The following GRID2 variants were observed in gnomAD, a reference collection of about 807,000 sequenced individuals.
GRID2 encodes glutamate receptor ionotropic, delta-2.
A neutral mutation model predicts 114.8 loss-of-function variants in GRID2; 33 were observed. The ratio of observed to expected loss-of-function variants is 0.29; its 90% confidence interval spans 0.22 to 0.38. GRID2 has a LOEUF of 0.38. Among genes scored for constraint, GRID2 ranks in the 10% least tolerant of loss-of-function variants. The pLI is 1.00. For synonymous variants in GRID2, 505 were observed against 449.9 expected (o/e 1.12, Z -1.55); for missense variants, 1,184 against 1,257.7 (o/e 0.94, Z 0.89).
intron 13 of GRID2, among the ~76,000 whole-genome samples, chr4:93,619,740 GA>G (rs572204724): frequency 5.2e-4 from 79 of 152,288 alleles, no homozygotes; most frequent in Middle Eastern, 6.8e-3. Flanking sequence ...CAATGATCTT[GA>G]GAAGTAAGCA....
intron 1 of GRID2, among the ~76,000 whole-genome samples, chr4:92,477,460 C>G (rs1347695469): frequency 6.6e-6 from 1 of 151,884 alleles, no homozygotes; most frequent in African/African-American, 2.4e-5. Context: ...AACACTGTTT[C>G]AGTGATTACT....
At chr4:93,296,298 C>A (rs1338756909) in intron 8 of GRID2, among the ~76,000 whole-genome samples, 1 of 151,868 alleles carries the variant, frequency 6.6e-6, no homozygotes, top group Non-Finnish European at 1.5e-5. Flanking sequence ...ACGGATCCCC[C>A]CCTCCCACCC....
chr4:93,347,567 C>T (rs954406190), intron 8 of GRID2, among the ~76,000 whole-genome samples: 11 of 151,992 alleles, frequency 7.2e-5, no homozygotes, highest in South Asian at 2.1e-4. Context: ...TAGTGTTTGA[C>T]GTTACACTTA....
chr4:93,183,073 A>G (rs1023421183), intron 4 of GRID2, among the ~76,000 whole-genome samples: 2 of 152,258 alleles, frequency 1.3e-5, no homozygotes, highest in Admixed American at 6.5e-5. Flanking sequence ...GAATTAAATC[A>G]AAATGAGTAA....
At chr4:92,799,856 C>G (rs1291824525) in intron 2 of GRID2, among the ~76,000 whole-genome samples, 1 of 151,950 alleles carries the variant, frequency 6.6e-6, no homozygotes, top group Non-Finnish European at 1.5e-5. Context: ...TCAAGTTATT[C>G]TCTACTCAGC....
chr4:92,781,102 G>A (rs187451447), intron 2 of GRID2, among the ~76,000 whole-genome samples: 8 of 151,888 alleles, frequency 5.3e-5, no homozygotes, highest in African/African-American at 1.2e-4. Flanking sequence ...AAAATTAGCC[G>A]GGCATGGTGG....
At chr4:93,454,559 C>T (rs991967481) in intron 10 of GRID2, among the ~76,000 whole-genome samples, 1 of 151,954 alleles carries the variant, frequency 6.6e-6, no homozygotes. Flanking sequence ...GAACTCGGTA[C>T]ACACAGACAT....
intron 2 of GRID2, among the ~76,000 whole-genome samples, chr4:93,022,660 A>G (rs1218952723): frequency 6.6e-6 from 1 of 151,974 alleles, no homozygotes; most frequent in Non-Finnish European, 1.5e-5. Context: ...ACCCTTTGTC[A>G]ACATAATAGA....
At chr4:92,660,199 G>C (rs1276761722) in intron 2 of GRID2, among the ~76,000 whole-genome samples, 1 of 151,278 alleles carries the variant, frequency 6.6e-6, no homozygotes, top group East Asian at 1.9e-4. Flanking sequence ...GTTGGGCCAA[G>C]ATTTCAAAAG....
chr4:93,128,380 T>A (rs529117716), intron 4 of GRID2, among the ~76,000 whole-genome samples: 2 of 152,248 alleles, frequency 1.3e-5, no homozygotes, highest in South Asian at 4.1e-4. Flanking sequence ...GAAAGAAATC[T>A]AGGTTGAATA....
rs552867141 is a variant in GRID2, at chr4:92,913,519, T to A, written c.245-171476T>A. 1.4e-4 allele frequency among the ~76,000 whole-genome samples: 21 copies of A among 152,046 alleles called. No homozygotes were observed. In the East Asian group the frequency reaches 4.1e-3, roughly 29 times the overall value. On this transcript the variant is annotated intron_variant, in intron 2 of 15. Transcript: ENST00000282020. ...CCTCTGTTTTATATTTCACTTTCAT[T>A]CTTCAAGAGACCAATTTCCTGCATG...
intron 2 of GRID2, among the ~76,000 whole-genome samples, chr4:92,886,076 A>G (rs1369976927): frequency 6.6e-6 from 1 of 152,140 alleles, no homozygotes; most frequent in Non-Finnish European, 1.5e-5. Flanking sequence ...TGCAATTGCA[A>G]TTACAACTTT....
At chr4:93,339,524 T>G (rs958473613) in intron 8 of GRID2, among the ~76,000 whole-genome samples, 2 of 152,192 alleles carry the variant, frequency 1.3e-5, no homozygotes, top group African/African-American at 4.8e-5. Flanking sequence ...TCAGAGGGAA[T>G]ATGGCCCTGA....
intron 1 of GRID2, among the ~76,000 whole-genome samples, chr4:92,365,384 G>A (rs1728806888): frequency 6.6e-6 from 1 of 151,938 alleles, no homozygotes; most frequent in South Asian, 2.1e-4. Context: ...CAGGCACTGA[G>A]AGACAAATAC....
intron 13 of GRID2, among the ~76,000 whole-genome samples, chr4:93,600,887 T>A (rs974434446): frequency 6.6e-6 from 1 of 152,164 alleles, no homozygotes; most frequent in Non-Finnish European, 1.5e-5. Context: ...CTGAAAAGCA[T>A]TGTGCTGTTC....
At chr4:93,030,138 G>T (rs941734370) in intron 2 of GRID2, among the ~76,000 whole-genome samples, 6 of 152,090 alleles carry the variant, frequency 3.9e-5, no homozygotes, top group African/African-American at 1.2e-4. Context: ...TTTAAGCTGT[G>T]CCCCAGTGGT....
intron 1 of GRID2, among the ~76,000 whole-genome samples, chr4:93,784,728 G>A (rs1047199305): frequency 1.1e-4 from 16 of 151,440 alleles, no homozygotes; most frequent in African/African-American, 3.9e-4. Flanking sequence ...TATTACAGAA[G>A]AGATATCCTG....
At chr4:93,319,979 T>A (rs1757046764) in intron 8 of GRID2, among the ~76,000 whole-genome samples, 1 of 152,050 alleles carries the variant, frequency 6.6e-6, no homozygotes, top group African/African-American at 2.4e-5. Context: ...AGATAACAAA[T>A]CGGTATTGTT....
chr4:92,420,489 C>A (rs1455357469), intron 1 of GRID2, among the ~76,000 whole-genome samples: 1 of 152,076 alleles, frequency 6.6e-6, no homozygotes. Flanking sequence ...AGAGCACATG[C>A]TTGTGTTATA....
Sources: gnomAD v4.1 joint callset for allele counts (sites outside exome capture counted in the v4.1 genomes callset) on GRCh38, gnomAD v4.1.1 for gene constraint, MANE v1.5 for transcripts, NCBI Gene and HGNC (gene_info 2026-07-23, HGNC 2026-07-21) for gene names.